The following CNOT4 variants were observed in gnomAD, a reference collection of about 807,000 sequenced individuals.
CNOT4 encodes CCR4-NOT transcription complex subunit 4.
In CNOT4, 8 loss-of-function variants were observed where a neutral mutation model predicts 73.8. That is an observed-to-expected ratio of 0.11 (90% CI 0.06 to 0.20). The LOEUF is 0.20. Among genes scored for constraint, CNOT4 ranks in the 10% least tolerant of loss-of-function variants. The probability of loss-of-function intolerance (pLI) is 1.00; values close to 1 mark genes in which losing one functional copy is unlikely to be tolerated. For synonymous variants in CNOT4, 293 were observed against 321.1 expected, an observed-to-expected ratio of 0.91 and a Z score of 0.94; for missense variants, 564 against 883.4, an observed-to-expected ratio of 0.64 and a Z score of 4.58.
intron 8 of CNOT4, among the ~76,000 whole-genome samples, chr7:135,396,651 T>C (rs1397826882): frequency 1.2e-4 from 19 of 152,220 alleles, no homozygotes; most frequent in Admixed American, 1.2e-3. Flanking sequence ...TAATTTTGTA[T>C]AATAAATCTT....
intron 2 of CNOT4, among the ~76,000 whole-genome samples, chr7:135,435,210 C>G (rs1799079377): frequency 6.6e-6 from 1 of 152,116 alleles, no homozygotes; most frequent in Non-Finnish European, 1.5e-5. Flanking sequence ...CTTTTTCAGT[C>G]ACCTTGCTTC....
At chr7:135,431,740 T>A (rs1798859191) in intron 2 of CNOT4, among the ~76,000 whole-genome samples, 1 of 45,354 alleles carries the variant, frequency 2.2e-5, no homozygotes, top group African/African-American at 9.8e-5. Flanking sequence ...TGAAACTCCA[T>A]CTCAAAAAAA....
intron 1 of CNOT4, among the ~76,000 whole-genome samples, chr7:135,481,981 T>G (rs1230531746): frequency 6.6e-6 from 1 of 152,118 alleles, no homozygotes; most frequent in Non-Finnish European, 1.5e-5. Flanking sequence ...GAGTACAAAA[T>G]ATACAGTCAA....
Position 135,364,058 on chromosome 7 carries a change from T to A in CNOT4, c.1636A>T (p.Ser546Cys). The stretch of plus-strand genomic sequence containing the variant: ...TTCATATTTAAACTCTCTACAGAAC[T>A]GCTGTTGTCTGGGAGATTTACCAAC... ...LGGIPVADNS[S>C]SVESLNMKEW... Residue 546 changes from serine (S) to cysteine (C), a missense_variant, in exon 11 of 12, where the codon AGT becomes TGT. Transcript: ENST00000541284. The surrounding 1 kb of genome is among the most constrained non-coding windows in gnomAD (Gnocchi z 4.3). 6.3e-7 allele frequency: 1 copy of A among 1,580,096 alleles called. No individual in the cohort carries two copies. Among genetic ancestry groups the A allele is most frequent in the Non-Finnish European group, 8.5e-7 (1 of 1,169,612 alleles).
intron 1 of CNOT4, among the ~76,000 whole-genome samples, chr7:135,496,368 C>T (rs187180577): frequency 1.8e-3 from 275 of 152,326 alleles, no homozygotes; most frequent in African/African-American, 6.4e-3. Flanking sequence ...GCTGGGATTA[C>T]AGGCGTGAGC....
At chr7:135,420,669 T>C (rs1438748414) in intron 3 of CNOT4, among the ~76,000 whole-genome samples, 3 of 149,834 alleles carry the variant, frequency 2.0e-5, no homozygotes, top group African/African-American at 7.4e-5. Context: ...GAGGAGTATA[T>C]AGAAGTGCCC....
At position 135,466,989 on chromosome 7, in the gene CNOT4, C is replaced by T. The variant is rs528366444; in HGVS notation, c.-92-28566G>A. ...TTTCAAAACTAGCCATATTGTTAAG[C>T]GATGCATAACTGTACATTTCCATTT... On this transcript the variant is annotated intron_variant, in intron 1 of 11. Coordinates refer to ENST00000541284, the MANE Select transcript of CNOT4 (RefSeq NM_001190850.2). Among the ~76,000 whole-genome samples, 3 of 152,250 alleles carry T rather than the reference C, an allele frequency of 2.0e-5. No individual in the cohort carries two copies. In the East Asian group the frequency reaches 5.8e-4, roughly 29 times the overall value.
chr7:135,388,258 G>T (rs1796222938), intron 10 of CNOT4: 1 of 985,092 alleles, frequency 1.0e-6, no homozygotes, highest in African/African-American at 1.7e-5. Context: ...CATATTATAG[G>T]ATATAAATCT....
chr7:135,408,599 G>C (rs551102238), intron 7 of CNOT4, among the ~76,000 whole-genome samples: 4 of 152,198 alleles, frequency 2.6e-5, no homozygotes, highest in African/African-American at 9.6e-5. Flanking sequence ...CAAATCAGAG[G>C]GCAAGGCAGG....
chr7:135,500,472 T>C (rs3812300), intron 1 of CNOT4, among the ~76,000 whole-genome samples: 1 of 151,858 alleles, frequency 6.6e-6, no homozygotes, highest in African/African-American at 2.4e-5. Context: ...CAAAGAATTT[T>C]AAAAAAACTT....
intron 7 of CNOT4, among the ~76,000 whole-genome samples, chr7:135,407,148 T>C (rs573807874): frequency 1.3e-5 from 2 of 152,178 alleles, no homozygotes; most frequent in African/African-American, 4.8e-5. Context: ...TATCGCTGTA[T>C]ATGATGTGCC....
chr7:135,410,845 T>TTCAATGAA (rs1285665896), intron 6 of CNOT4, among the ~76,000 whole-genome samples, 197 bp from the exon 7 acceptor site: 49 of 151,738 alleles, frequency 3.2e-4, no homozygotes, highest in South Asian at 2.7e-3. Context: ...ACAAAACTTC[T>TTCAATGAA]AGATCAATGA....
In CNOT4 at chr7:135,504,509, C is replaced by T. The variant is rs1478592409; in HGVS notation, c.-93+5380G>A. On this transcript the variant is annotated intron_variant, in intron 1 of 11. Transcript: ENST00000541284. Reference sequence around the variant, plus strand: ...TTTTTTATTTTTATTTTTTTTGAGACGGAGTCTCGCTCTGTCGCCCAGGCT... The same window carrying T: ...TTTTTTATTTTTATTTTTTTTGAGATGGAGTCTCGCTCTGTCGCCCAGGCT... 1.5e-4 allele frequency among the ~76,000 whole-genome samples: 9 copies of T among 60,680 alleles called. 2 individuals are homozygous for T. Among genetic ancestry groups the T allele is most frequent in the South Asian group, 5.2e-4 (1 of 1,918 alleles). The allele number at this position is 60,680 out of a possible 152,430, so 39.8% of individuals were successfully genotyped here.
intron 1 of CNOT4, among the ~76,000 whole-genome samples, chr7:135,472,406 C>T (rs1801642298): frequency 7.4e-6 from 1 of 134,584 alleles, no homozygotes; most frequent in African/African-American, 2.8e-5. Context: ...GAACCTGGGA[C>T]GCGGAGCTTG....
chr7:135,455,702 C>T (rs1800483410), intron 1 of CNOT4, among the ~76,000 whole-genome samples: 1 of 152,018 alleles, frequency 6.6e-6, no homozygotes, highest in Non-Finnish European at 1.5e-5. Context: ...TGCTGAAACC[C>T]TATCTCTACT....
intron 1 of CNOT4, among the ~76,000 whole-genome samples, chr7:135,501,036 T>G (rs1803930624): frequency 2.0e-5 from 3 of 148,244 alleles, no homozygotes; most frequent in Non-Finnish European, 4.4e-5. Flanking sequence ...CAGGCTGGAG[T>G]GCAGTGGTGC....
At chr7:135,390,607 A>G (rs1248239805) in intron 10 of CNOT4, among the ~76,000 whole-genome samples, 1 of 152,116 alleles carries the variant, frequency 6.6e-6, no homozygotes, top group Non-Finnish European at 1.5e-5. Context: ...ACACAAAAAC[A>G]GTTTTCAATT....
chr7:135,481,208 T>C (rs1332359157), intron 1 of CNOT4, among the ~76,000 whole-genome samples: 1 of 151,662 alleles, frequency 6.6e-6, no homozygotes, highest in Non-Finnish European at 1.5e-5. Context: ...GAGACTAATA[T>C]CCAGAATATA....
At chr7:135,503,875 G>A (rs189495878) in intron 1 of CNOT4, among the ~76,000 whole-genome samples, 5 of 151,896 alleles carry the variant, frequency 3.3e-5, no homozygotes, top group African/African-American at 1.2e-4. Context: ...TTCACAAGAC[G>A]GTCCACCCAA....
Sources: gnomAD v4.1 joint callset for allele counts (sites outside exome capture counted in the v4.1 genomes callset) on GRCh38, gnomAD v4.1.1 for gene constraint, Gnocchi (gnomAD v3.1) non-coding constraint, MANE v1.5 for transcripts, NCBI Gene and HGNC (gene_info 2026-07-23, HGNC 2026-07-21) for gene names.